TRPM3: variants seen among roughly 807,000 people sequenced by gnomAD.
TRPM3 encodes transient receptor potential cation channel subfamily M member 3.
Under a neutral mutation model 181.2 loss-of-function variants are expected in TRPM3, and 77 were observed. That is an observed-to-expected ratio of 0.42 (90% CI 0.35 to 0.51). The LOEUF is 0.51. Ranked by LOEUF, TRPM3 falls within the 20% of genes least tolerant of loss-of-function variation. The pLI is 0.01. For missense variants in TRPM3, 1,759 were observed against 2,196.7 expected (o/e 0.80, Z 3.98); for synonymous variants, 745 against 796.4 (o/e 0.94, Z 1.09).
At chr9:70,669,538 C>T (rs368735091) in intron 9 of TRPM3, among the ~76,000 whole-genome samples, 4 of 152,286 alleles carry the variant, frequency 2.6e-5, no homozygotes, top group Middle Eastern at 3.4e-3. Flanking sequence ...AGAAACCACT[C>T]TCTCCTGTGA....
chr9:70,652,146 G>A (rs1050881111), intron 9 of TRPM3, among the ~76,000 whole-genome samples: 6 of 152,078 alleles, frequency 3.9e-5, no homozygotes, highest in East Asian at 1.9e-4. Flanking sequence ...AGGAGGCTTC[G>A]AACCTAGATA....
intron 6 of TRPM3, among the ~76,000 whole-genome samples, chr9:70,812,342 A>C (rs1389603628): frequency 6.6e-6 from 1 of 152,088 alleles, no homozygotes; most frequent in Admixed American, 6.6e-5. Flanking sequence ...CATCAACATC[A>C]CTTGGTTATA....
chr9:71,010,861 G>A (rs1160558852), intron 1 of TRPM3, among the ~76,000 whole-genome samples: 1 of 151,402 alleles, frequency 6.6e-6, no homozygotes, highest in African/African-American at 2.4e-5. Flanking sequence ...CAATAGCCAA[G>A]ATATGGAATC....
chr9:70,828,697 C>T (rs2093701758), intron 5 of TRPM3, among the ~76,000 whole-genome samples: 1 of 86,200 alleles, frequency 1.2e-5, no homozygotes, highest in African/African-American at 4.9e-5. Context: ...GTGTGGCCTT[C>T]CAGATTTTTT....
At chr9:71,024,627 A>C (rs942464773) in intron 1 of TRPM3, among the ~76,000 whole-genome samples, 1 of 152,216 alleles carries the variant, frequency 6.6e-6, no homozygotes, top group African/African-American at 2.4e-5. Flanking sequence ...AAACTTCTCT[A>C]TGCCTCAGGT....
chr9:71,041,206 C>A (rs1036832691), intron 1 of TRPM3, among the ~76,000 whole-genome samples: 2 of 151,516 alleles, frequency 1.3e-5, no homozygotes, highest in African/African-American at 4.9e-5. Context: ...ATTGGGTGTG[C>A]ATGTATGATG....
At chr9:71,028,102 C>G (rs1354188326) in intron 1 of TRPM3, among the ~76,000 whole-genome samples, 12 of 152,160 alleles carry the variant, frequency 7.9e-5, no homozygotes, top group African/African-American at 2.7e-4. Flanking sequence ...GTCTATTAGA[C>G]TAGCAGCAGG....
At chr9:71,125,224 C>T (rs1437972870), upstream of TRPM3, among the ~76,000 whole-genome samples, 1 of 151,982 alleles carries the variant, frequency 6.6e-6, no homozygotes, top group African/African-American at 2.4e-5. Flanking sequence ...ACTTTAAGTT[C>T]CAGTATACAC....
In TRPM3 at chr9:71,385,791, G is replaced by A. The variant is rs139112419; in HGVS notation, c.183+60862C>T. Reference sequence around the variant, plus strand: ...ACAACCTTGGCTCACTGCAACCTCCGCCTCCCGGGTTCAAGGGATTCTTCC... The same window carrying A: ...ACAACCTTGGCTCACTGCAACCTCCACCTCCCGGGTTCAAGGGATTCTTCC... On this transcript the variant is annotated intron_variant, in intron 1 of 24. Transcript: ENST00000357533. 5.1e-4 allele frequency among the ~76,000 whole-genome samples: 77 copies of A among 152,116 alleles called. 1 individual carries two copies. Among genetic ancestry groups the A allele is most frequent in the African/African-American group, 1.6e-3 (67 of 41,516 alleles).
chr9:71,012,695 C>T (rs2097755749), intron 1 of TRPM3, among the ~76,000 whole-genome samples: 1 of 151,518 alleles, frequency 6.6e-6, no homozygotes, highest in Non-Finnish European at 1.5e-5. Flanking sequence ...CCTTTTAATT[C>T]CTTTTGTTTT....
intron 1 of TRPM3, among the ~76,000 whole-genome samples, chr9:71,295,837 T>C (rs1414028026): frequency 7.1e-5 from 3 of 42,178 alleles, no homozygotes; most frequent in African/African-American, 2.5e-4. Context: ...AGATCCCGTC[T>C]CAAAAAAAAA....
chr9:70,573,515 C>A (rs1425694603), intron 22 of TRPM3, among the ~76,000 whole-genome samples: 1 of 152,096 alleles, frequency 6.6e-6, no homozygotes, highest in Non-Finnish European at 1.5e-5. Context: ...GTGTCCTGTG[C>A]ACTGCAGGTT....
intron 1 of TRPM3, among the ~76,000 whole-genome samples, chr9:70,982,336 C>A (rs911252251): frequency 6.6e-6 from 1 of 152,202 alleles, no homozygotes; most frequent in Non-Finnish European, 1.5e-5. Flanking sequence ...TTTGAAACAT[C>A]GCCAATCTCA....
At chr9:71,433,412 A>G (rs1024923659) in intron 1 of TRPM3, among the ~76,000 whole-genome samples, 2 of 152,202 alleles carry the variant, frequency 1.3e-5, no homozygotes, top group African/African-American at 2.4e-5. Flanking sequence ...CGTGTGAAGA[A>G]GGACATGTTT....
chr9:70,688,167 A>G (rs1428235142), intron 8 of TRPM3, among the ~76,000 whole-genome samples: 1 of 152,044 alleles, frequency 6.6e-6, no homozygotes, highest in African/African-American at 2.4e-5. Flanking sequence ...TGTTCAGGCC[A>G]TCTTCCATGC....
rs80052365 is a variant in TRPM3 at position 71,116,185 on chromosome 9, G to C, written c.177+4993C>G. 9.3e-3 allele frequency among the ~76,000 whole-genome samples: 1,419 copies of C among 152,210 alleles called. 20 individuals are homozygous for C. Among genetic ancestry groups the C allele is most frequent in the African/African-American group, 0.03 (1,242 of 41,526 alleles). On this transcript the variant is annotated intron_variant, in intron 1 of 25. Transcript: ENST00000677713. ...CAAATATCCTGGCCTTGCTTGCCAGGATTCACTGATATATTCACCTAGACA... is the reference window on the plus strand; with the variant it reads ...CAAATATCCTGGCCTTGCTTGCCAGCATTCACTGATATATTCACCTAGACA...
chr9:71,348,047 G>A (rs1009603789), intron 1 of TRPM3, among the ~76,000 whole-genome samples: 1 of 151,958 alleles, frequency 6.6e-6, no homozygotes, highest in Admixed American at 6.6e-5. Context: ...AGTGACAAAT[G>A]ACCTAAAGAA....
intron 1 of TRPM3, among the ~76,000 whole-genome samples, chr9:71,255,804 T>C (rs2082636627): frequency 6.6e-6 from 1 of 152,200 alleles, no homozygotes; most frequent in African/African-American, 2.4e-5. Flanking sequence ...ATTTTAGCTG[T>C]AAAAACTCTA....
chr9:71,213,306 TA>T (rs986368286), intron 1 of TRPM3, among the ~76,000 whole-genome samples: 1 of 152,188 alleles, frequency 6.6e-6, no homozygotes, highest in Non-Finnish European at 1.5e-5. Flanking sequence ...TTTCAATCAT[TA>T]AAAAAATTTT....
Sources: allele counts gnomAD v4.1 joint callset (sites outside exome capture counted in the v4.1 genomes callset), GRCh38; gene constraint gnomAD v4.1.1; transcripts MANE v1.5; gene names NCBI Gene and HGNC (gene_info 2026-07-23, HGNC 2026-07-21).